The following TENM2 variants were observed in gnomAD, a reference collection of about 807,000 sequenced individuals.
TENM2 encodes teneurin transmembrane protein 2.
TENM2 carries 52 observed loss-of-function variants against 245.2 expected under a neutral mutation model. That is an observed-to-expected ratio of 0.21 (90% CI 0.17 to 0.27). The LOEUF (loss-of-function observed/expected upper bound fraction) is 0.27. Among genes scored for constraint, TENM2 ranks in the 10% least tolerant of loss-of-function variants. The probability of loss-of-function intolerance (pLI) is 1.00; values close to 1 mark genes in which losing one functional copy is unlikely to be tolerated. For synonymous variants in TENM2, 1,363 were observed against 1,438.9 expected (o/e 0.95, Z 1.19); for missense variants, 3,046 against 3,666.8 (o/e 0.83, Z 4.37).
chr5:167,271,341 G>A, the TENM2 span, among the ~76,000 whole-genome samples: 2 of 152,016 alleles, frequency 1.3e-5, no homozygotes, highest in Non-Finnish European at 2.9e-5. Context: ...TGGGGAAGGT[G>A]GAGCTGAAGA....
At chr5:167,350,381 T>C (rs1758749928) in intron 1 of TENM2, among the ~76,000 whole-genome samples, 1 of 150,542 alleles carries the variant, frequency 6.6e-6, no homozygotes, top group Non-Finnish European at 1.5e-5. Context: ...TAAATTGAAG[T>C]GATGGAATTA....
intron 2 of TENM2, among the ~76,000 whole-genome samples, chr5:167,704,587 A>G (rs1758377601): frequency 6.6e-6 from 1 of 152,166 alleles, no homozygotes; most frequent in Non-Finnish European, 1.5e-5. Context: ...CATGGGATTG[A>G]GTACAGAAAT....
chr5:167,649,375 T>C (rs1347941345), intron 2 of TENM2, among the ~76,000 whole-genome samples: 1 of 152,164 alleles, frequency 6.6e-6, no homozygotes, highest in Non-Finnish European at 1.5e-5. Context: ...CAGCATTCTT[T>C]TCTCTTCCAA....
rs78788861 is a variant in TENM2 at position 168,218,703 on chromosome 5, C to T, written c.4812C>T (p.Tyr1604=). 1,513 of 1,614,028 alleles carry T rather than the reference C, an allele frequency of 9.4e-4. 17 individuals carry two copies. In the African/African-American group the frequency reaches 0.018, roughly 20 times the overall value. The change falls in exon 23 of 29, where the codon TAC becomes TAT. Residue 1604 remains tyrosine, a synonymous_variant. Coordinates refer to ENST00000518659, the Ensembl canonical transcript of TENM2. This position sits in a 1 kb window ranked among gnomAD's most constrained non-coding sequence, Gnocchi z 5.2. ...TCAACGCTGATGGCATCCACCAATA[C>T]ACTGTGAGCCTGGTGACAGGGGAGT...
chr5:167,527,130 T>A (rs1771175721), intron 2 of TENM2, among the ~76,000 whole-genome samples: 1 of 152,100 alleles, frequency 6.6e-6, no homozygotes, highest in African/African-American at 2.4e-5. Context: ...AGATAATTCT[T>A]ACTTATAAAG....
chr5:167,407,033 G>A (rs1762673178), intron 2 of TENM2, among the ~76,000 whole-genome samples: 1 of 152,162 alleles, frequency 6.6e-6, no homozygotes, highest in Non-Finnish European at 1.5e-5. Context: ...CAATTGAGAT[G>A]AGAAAACACA....
At chr5:167,848,427 T>G (rs1053135309) in intron 2 of TENM2, among the ~76,000 whole-genome samples, 1 of 152,190 alleles carries the variant, frequency 6.6e-6, no homozygotes, top group African/African-American at 2.4e-5. Flanking sequence ...ACTGTTTTAC[T>G]GCTTTGGCAA....
At chr5:167,986,948 T>C (rs2151988115) in intron 4 of TENM2, among the ~76,000 whole-genome samples, 1 of 152,348 alleles carries the variant, frequency 6.6e-6, no homozygotes, top group East Asian at 1.9e-4. Flanking sequence ...CTGAAATCCT[T>C]GGGTGAATCA....
chr5:168,132,547 T>C (rs1231466456), intron 12 of TENM2, among the ~76,000 whole-genome samples: 1 of 152,214 alleles, frequency 6.6e-6, no homozygotes, highest in Non-Finnish European at 1.5e-5. Context: ...ACTGGTTTGA[T>C]GGACTAGCTT....
At chr5:167,044,358 C>T in the TENM2 span, among the ~76,000 whole-genome samples, 25 of 151,850 alleles carry the variant, frequency 1.6e-4, no homozygotes, top group Non-Finnish European at 1.9e-4. Context: ...AGTGACTTTG[C>T]GGAGGAAAAA....
At chr5:168,068,643 G>A (rs1010570011) in intron 7 of TENM2, among the ~76,000 whole-genome samples, 2 of 151,920 alleles carry the variant, frequency 1.3e-5, no homozygotes, top group African/African-American at 4.8e-5. Flanking sequence ...AAGAAGAATA[G>A]GACTGGGAAT....
At chr5:168,139,392 T>C (rs957901600) in intron 12 of TENM2, 1 of 438,204 alleles carries the variant, frequency 2.3e-6, no homozygotes, top group Non-Finnish European at 4.6e-6. Context: ...CTATTTTATT[T>C]ATTTTGAAAA....
At chr5:168,157,058 G>T (rs1255330061) in intron 12 of TENM2, among the ~76,000 whole-genome samples, 1 of 152,146 alleles carries the variant, frequency 6.6e-6, no homozygotes, top group Non-Finnish European at 1.5e-5. Flanking sequence ...CATCAAGGAG[G>T]TACCAGCCAA....
the TENM2 span, among the ~76,000 whole-genome samples, chr5:167,195,232 G>T: frequency 6.6e-6 from 1 of 151,996 alleles, no homozygotes; most frequent in Non-Finnish European, 1.5e-5. Flanking sequence ...TAAGGCAGGG[G>T]GGTTTAGTGT....
intron 2 of TENM2, among the ~76,000 whole-genome samples, chr5:167,535,320 G>A (rs1227836718): frequency 6.6e-6 from 1 of 151,882 alleles, no homozygotes; most frequent in Non-Finnish European, 1.5e-5. Flanking sequence ...GAGGGAAATG[G>A]GACCTTAGAG....
chr5:168,246,879 C>A (rs771284024), exon 27 of TENM2: 2 of 1,613,906 alleles, frequency 1.2e-6, no homozygotes, highest in Non-Finnish European at 1.7e-6. Context: ...ACACCTCCAT[C>A]GGCTACATCC....
At position 168,218,503 on chromosome 5, in the gene TENM2, G is replaced by A. The variant is rs375708277; in HGVS notation, c.4612G>A (p.Ala1538Thr). The A allele has an allele frequency of 6.2e-6, 10 of 1,614,030 alleles. No individual in the cohort carries two copies. Among genetic ancestry groups the A allele is most frequent in the Non-Finnish European group, 8.5e-6 (10 of 1,179,906 alleles). ...CTGCTATTCAGGAGATGATGCCTAC[G>A]CGACTGATGCCATCTTGAATTCCCC... The change falls in exon 23 of 29, where the codon GCG becomes ACG. Residue 1538 changes from alanine (A) to threonine (T), a missense_variant. Around this residue, in one of 2 missense-constraint regions of TENM2, gnomAD observed 2,704 missense variants for 3,331.9 expected, o/e 0.81. Coordinates refer to ENST00000518659, the Ensembl canonical transcript of TENM2. The surrounding 1 kb of genome is among the most constrained non-coding windows in gnomAD (Gnocchi z 5.2).
chr5:167,765,419 T>C (rs959050597), intron 2 of TENM2, among the ~76,000 whole-genome samples: 10 of 152,178 alleles, frequency 6.6e-5, no homozygotes, highest in Non-Finnish European at 1.3e-4. Flanking sequence ...AAAAAAGGCA[T>C]CATGGGCTTG....
intron 13 of TENM2, among the ~76,000 whole-genome samples, chr5:168,188,465 C>A (rs911504241): frequency 6.6e-6 from 1 of 152,214 alleles, no homozygotes; most frequent in African/African-American, 2.4e-5. Context: ...TTCCAAGGAG[C>A]AAACACTGCC....
Sources: allele counts gnomAD v4.1 joint callset (sites outside exome capture counted in the v4.1 genomes callset), GRCh38; gene constraint gnomAD v4.1.1; regional missense constraint gnomAD v4.1.1; non-coding constraint Gnocchi (gnomAD v3.1); transcripts MANE v1.5; gene names NCBI Gene and HGNC (gene_info 2026-07-23, HGNC 2026-07-21).